The following PATJ variants were observed in gnomAD, a reference collection of about 807,000 sequenced individuals.
PATJ encodes the protein PATJ crumbs cell polarity complex component, also known as inaD-like protein.
In PATJ, 190 loss-of-function variants were observed where a neutral mutation model predicts 224.9. That is an observed-to-expected ratio of 0.84 (90% CI 0.75 to 0.95). PATJ has a LOEUF of 0.95. Among genes scored for constraint, PATJ ranks in the 40% least tolerant of loss-of-function variants. The probability of loss-of-function intolerance (pLI) is 0.00; values close to 1 mark genes in which losing one functional copy is unlikely to be tolerated. For synonymous variants in PATJ, 769 were observed against 820.3 expected, an observed-to-expected ratio of 0.94 and a Z score of 1.07; for missense variants, 2,121 against 2,270.3, an observed-to-expected ratio of 0.93 and a Z score of 1.34.
chr1:62,147,017 A>G (rs1210950767), intron 41 of PATJ, among the ~76,000 whole-genome samples: 2 of 152,094 alleles, frequency 1.3e-5, no homozygotes, highest in Admixed American at 6.5e-5. Flanking sequence ...ATAGATGTCT[A>G]TGGACCCAGT....
intron 32 of PATJ, among the ~76,000 whole-genome samples, chr1:62,080,389 G>A (rs1199278782): frequency 6.6e-6 from 1 of 151,932 alleles, no homozygotes; most frequent in African/African-American, 2.4e-5. Flanking sequence ...TGGAGGGCAG[G>A]GGGCTGATCT....
At chr1:62,072,287 T>G (rs990125685) in intron 31 of PATJ, among the ~76,000 whole-genome samples, 1 of 151,126 alleles carries the variant, frequency 6.6e-6, no homozygotes, top group Non-Finnish European at 1.5e-5. Context: ...GTAGCCGTGG[T>G]TTTTTTTGTT....
chr1:61,866,450 A>G (rs1665440281), intron 20 of PATJ, among the ~76,000 whole-genome samples: 1 of 152,142 alleles, frequency 6.6e-6, no homozygotes, highest in Admixed American at 6.5e-5. Context: ...TGAATTCTTC[A>G]GTGCATATTT....
At chr1:61,744,938 T>C (rs550160278) in intron 1 of PATJ, among the ~76,000 whole-genome samples, 1 of 152,338 alleles carries the variant, frequency 6.6e-6, no homozygotes, top group South Asian at 2.1e-4. Flanking sequence ...TTTAGGTTTA[T>C]TACTAGTTTA....
chr1:62,080,340 C>A (rs1659072983), intron 32 of PATJ, among the ~76,000 whole-genome samples: 1 of 150,008 alleles, frequency 6.7e-6, no homozygotes, highest in Non-Finnish European at 1.5e-5. Context: ...GCTTTTTTTT[C>A]TTTTTTTTTG....
At position 62,067,724 on chromosome 1, in the gene PATJ, T is replaced by C. The variant is rs148719980; in HGVS notation, c.4126-11726T>C. On this transcript the variant is annotated intron_variant, in intron 31 of 43. Coordinates refer to ENST00000642238, the MANE Select transcript of PATJ (RefSeq NM_001350145.3). ...AAGGACCAAAAGTAGTAGTAAACAT[T>C]AGTGTTTGTTTGTTGTTTGTCTGAT... Among the ~76,000 whole-genome samples, 18 of 152,304 alleles carry C rather than the reference T, an allele frequency of 1.2e-4. No individual in the cohort carries two copies. In the East Asian group the frequency reaches 2.5e-3, roughly 21 times the overall value.
chr1:62,149,223 T>C (rs1261060218), intron 42 of PATJ, among the ~76,000 whole-genome samples: 1 of 151,658 alleles, frequency 6.6e-6, no homozygotes, highest in Non-Finnish European at 1.5e-5. Context: ...AGGTGGTCTG[T>C]GGTGGATTCC....
At chr1:61,745,485 G>T (rs1644973895) in intron 1 of PATJ, among the ~76,000 whole-genome samples, 1 of 152,086 alleles carries the variant, frequency 6.6e-6, no homozygotes, top group Admixed American at 6.6e-5. Flanking sequence ...TATTGGCCAG[G>T]CTGGTCTCGA....
chr1:62,050,106 ACTGT>A (rs974288680), intron 30 of PATJ, among the ~76,000 whole-genome samples: 5 of 138,650 alleles, frequency 3.6e-5, no homozygotes, highest in African/African-American at 1.4e-4. Flanking sequence ...ATAGAGTGAG[ACTGT>A]CTGCCCCACC....
chr1:62,134,811 G>A (rs1331249536), intron 41 of PATJ, among the ~76,000 whole-genome samples: 1 of 152,164 alleles, frequency 6.6e-6, no homozygotes, highest in Non-Finnish European at 1.5e-5. Flanking sequence ...CCTCCTCAGT[G>A]CTGCCCACAT....
At chr1:61,871,803 A>G (rs1272408261) in intron 20 of PATJ, among the ~76,000 whole-genome samples, 3 of 150,654 alleles carry the variant, frequency 2.0e-5, no homozygotes, top group Non-Finnish European at 3.0e-5. Context: ...ACCTCAGGCT[A>G]TCTGCCCACC....
intron 22 of PATJ, among the ~76,000 whole-genome samples, chr1:61,890,076 G>A (rs1669386124): frequency 6.6e-6 from 1 of 152,210 alleles, no homozygotes; most frequent in Non-Finnish European, 1.5e-5. Flanking sequence ...TGTATTATGA[G>A]TGATGTTCAT....
intron 12 of PATJ, among the ~76,000 whole-genome samples, chr1:61,804,258 G>A (rs1007528179): frequency 2.0e-5 from 3 of 152,176 alleles, no homozygotes; most frequent in African/African-American, 7.2e-5. Flanking sequence ...TTGATTTTTT[G>A]TTTTTAATAG....
intron 33 of PATJ, among the ~76,000 whole-genome samples, chr1:62,097,559 T>C (rs1442065907): frequency 1.3e-5 from 2 of 152,182 alleles, no homozygotes; most frequent in African/African-American, 4.8e-5. Context: ...CCAGCCATTC[T>C]AGCTGAGGCC....
intron 31 of PATJ, 136 bp downstream of exon 31, chr1:62,051,194 T>C: frequency 3.0e-6 from 2 of 673,852 alleles, no homozygotes; most frequent in Non-Finnish European, 5.2e-6. Context: ...GAAGCTATTA[T>C]ATGTAGTGAG....
intron 22 of PATJ, among the ~76,000 whole-genome samples, chr1:61,885,072 A>G (rs1557820053): frequency 1.3e-5 from 2 of 152,226 alleles, no homozygotes; most frequent in East Asian, 1.9e-4. Flanking sequence ...AGCTTAAACA[A>G]TAAGGCAAGC....
At chr1:61,904,672 A>G (rs1468201323) in intron 24 of PATJ, among the ~76,000 whole-genome samples, 1 of 152,162 alleles carries the variant, frequency 6.6e-6, no homozygotes, top group Admixed American at 6.6e-5. Context: ...ACAGTTCCAC[A>G]TTGCTGGGGA....
chr1:61,973,688 T>C (rs1253332713), intron 27 of PATJ, among the ~76,000 whole-genome samples: 2 of 151,982 alleles, frequency 1.3e-5, no homozygotes, highest in Non-Finnish European at 2.9e-5. Context: ...ACTGTAACCA[T>C]AGTGAGCTTG....
intron 26 of PATJ, among the ~76,000 whole-genome samples, chr1:61,921,075 C>A (rs1674260499): frequency 6.6e-6 from 1 of 152,024 alleles, no homozygotes; most frequent in South Asian, 2.1e-4. Flanking sequence ...AGACAAAGAC[C>A]AGGAAATATA....
Sources: allele counts gnomAD v4.1 joint callset (sites outside exome capture counted in the v4.1 genomes callset), GRCh38; gene constraint gnomAD v4.1.1; transcripts MANE v1.5; gene names NCBI Gene and HGNC (gene_info 2026-07-23, HGNC 2026-07-21).